LRTM2: variants seen among roughly 807,000 people sequenced by gnomAD.
LRTM2 encodes leucine rich repeat transmembrane protein 2.
Under a neutral mutation model 28.1 loss-of-function variants are expected in LRTM2, and 18 were observed. That is an observed-to-expected ratio of 0.64 (90% CI 0.44 to 0.95). The LOEUF (loss-of-function observed/expected upper bound fraction) is 0.95. Ranked by LOEUF, LRTM2 falls within the 40% of genes least tolerant of loss-of-function variation. The pLI is 0.00. For missense variants in LRTM2, 436 were observed against 497.2 expected, an observed-to-expected ratio of 0.88 and a Z score of 1.17; for synonymous variants, 250 against 218.7, an observed-to-expected ratio of 1.14 and a Z score of -1.26.
rs1864815317 is a variant in LRTM2 at position 1,835,420 on chromosome 12, A to ACAC, written c.*699_*700insCAC. On this transcript the variant is annotated 3_prime_UTR_variant, in exon 5 of 5. Transcript: ENST00000299194. ...TGCGGTCACATGGATTGAAAGAATT[A>ACAC]ATACACACACACACACACACACACT... 6.6e-6 allele frequency: 1 copy of ACAC among 150,394 alleles called. No homozygotes were observed. Among genetic ancestry groups the ACAC allele is most frequent in the African/African-American group, 2.5e-5 (1 of 39,634 alleles). The allele number at this position is 150,394 out of a possible 1,614,324, so 9.3% of individuals were successfully genotyped here. A position where few individuals can be genotyped will look rare whatever the true frequency, so the allele number is the denominator to read the frequency against.
rs75024051 is a variant in LRTM2 at position 1,836,411 on chromosome 12, G to A, written c.*1690G>A. 13,453 of 152,414 alleles carry A rather than the reference G, an allele frequency of 0.088. 811 individuals carry two copies. Among genetic ancestry groups the A allele is most frequent in the Non-Finnish European group, 0.13 (8,918 of 68,100 alleles). The allele number at this position is 152,414 out of a possible 1,614,324, so 9.4% of individuals were successfully genotyped here. A position where few individuals can be genotyped will look rare whatever the true frequency, so the allele number is the denominator to read the frequency against. ...GAGGGAGTTGGCAGGCCTAGCTCCT[G>A]TGCCCCACTCCGACCCTCCCTGCTC... On this transcript the variant is annotated 3_prime_UTR_variant, in exon 5 of 5. Coordinates refer to ENST00000299194, the MANE Select transcript of LRTM2 (RefSeq NM_001039029.3).
intron 3 of LRTM2, among the ~76,000 whole-genome samples, chr12:1,830,505 C>T (rs1434531116): frequency 6.6e-6 from 1 of 152,222 alleles, no homozygotes; most frequent in Non-Finnish European, 1.5e-5. Context: ...TGGGAGAGGG[C>T]ATGGGAGCAG....
In LRTM2 at chr12:1,822,889, G is replaced by A. The variant is rs1046027787; in HGVS notation, c.-259+2075G>A. On this transcript the variant is annotated intron_variant, in intron 1 of 4. Coordinates refer to ENST00000299194, the MANE Select transcript of LRTM2 (RefSeq NM_001039029.3). ...GAATCTCGGGCCGTCTTTGGCCCGG[G>A]GCTCTGGCTGGCCACTCTCCGGGCT... 3.3e-5 allele frequency among the ~76,000 whole-genome samples: 5 copies of A among 152,308 alleles called. No individual in the cohort carries two copies. The South Asian group carries it at 6.2e-4, about 19-fold the overall frequency.
chr12:1,828,100 G>A lies in LRTM2; in HGVS notation c.-49G>A, dbSNP rs1337180266. 6.8e-7 allele frequency: 1 copy of A among 1,468,316 alleles called. No individual in the cohort carries two copies. 91.0% of individuals were successfully genotyped at this position (1,468,316 alleles called of 1,614,324 possible). A position where few individuals can be genotyped will look rare whatever the true frequency, so the allele number is the denominator to read the frequency against. On this transcript the variant is annotated 5_prime_UTR_variant, in exon 3 of 5. Coordinates refer to ENST00000299194, the MANE Select transcript of LRTM2 (RefSeq NM_001039029.3). This position sits in a 1 kb window ranked among gnomAD's most constrained non-coding sequence, Gnocchi z 4.2. ...GGACTGACAGGCGGCGCACCCAGGG[G>A]CTCCTCTCTCCCCAGAGCGACAGGG...
intron 1 of LRTM2, among the ~76,000 whole-genome samples, chr12:1,826,013 G>A (rs1428337631): frequency 6.6e-6 from 1 of 152,204 alleles, no homozygotes; most frequent in Non-Finnish European, 1.5e-5. Flanking sequence ...GGCCTGCGAG[G>A]GCCGTAGGTG....
Position 1,834,119 on chromosome 12 carries a change from C to T in LRTM2, c.659-148C>T. The T allele has an allele frequency of 1.1e-6, 1 of 913,580 alleles. No homozygotes were observed. The highest frequency in any genetic ancestry group is 1.6e-6 in the Non-Finnish European group (1 of 639,672). The allele number at this position is 913,580 out of a possible 1,614,324, so 56.6% of individuals were successfully genotyped here. A position where few individuals can be genotyped will look rare whatever the true frequency, so the allele number is the denominator to read the frequency against. ...CAATGCTGTTTTCCCTCCTCCGCTT[C>T]CTCTTCTATAGATGGTGATTCCAGG... On this transcript the variant is annotated intron_variant, in intron 4 of 4. Transcript: ENST00000299194. The surrounding 1 kb of genome is among the most constrained non-coding windows in gnomAD (Gnocchi z 7.6).
At chr12:1,831,658 GC>G in intron 4 of LRTM2, 133 bp downstream of exon 4, 1 of 722,708 alleles carries the variant, frequency 1.4e-6, no homozygotes, top group Non-Finnish European at 2.2e-6. Context: ...CTGCCTCTGT[GC>G]CAGCTCGGCT....
intron 1 of LRTM2, among the ~76,000 whole-genome samples, chr12:1,824,759 G>C (rs1057436576): frequency 1.3e-5 from 2 of 152,224 alleles, no homozygotes; most frequent in African/African-American, 4.8e-5. Context: ...ACTCTTCTGG[G>C]GGTGGGAAGG....
chr12:1,831,294 C>G lies in LRTM2; in HGVS notation c.427C>G (p.Arg143Gly), dbSNP rs866684672. Residue 143 changes from arginine to glycine, a missense_variant, in exon 4 of 5, where the codon CGC becomes GGC. By Grantham distance (125) the Arg-to-Gly change is moderately radical. Coordinates refer to ENST00000299194, the MANE Select transcript of LRTM2 (RefSeq NM_001039029.3). The part of the protein sequence containing the change: ...RDLLRHSPLL[R>G]HLDLSINGLA... ...CCTGCTGCGGCACTCGCCGCTGCTC[C>G]GCCACCTGGACCTGTCCATCAACGG... The G allele has an allele frequency of 1.2e-6, 2 of 1,613,698 alleles. No individual in the cohort carries two copies. Among genetic ancestry groups the G allele is most frequent in the South Asian group, 2.2e-5 (2 of 91,076 alleles).
In LRTM2 at chr12:1,830,889, G is replaced by T; in HGVS notation, c.68-46G>T. The T allele has an allele frequency of 2.7e-6, 4 of 1,481,582 alleles. No homozygotes were observed. In the South Asian group the frequency reaches 5.2e-5, roughly 19 times the overall value. The allele number at this position is 1,481,582 out of a possible 1,614,324, so 91.8% of individuals were successfully genotyped here. On this transcript the variant is annotated intron_variant, in intron 3 of 4. Coordinates refer to ENST00000299194, the MANE Select transcript of LRTM2 (RefSeq NM_001039029.3). The stretch of plus-strand genomic sequence containing the variant: ...GGAGGGAAGAGAAGCAGGAGGTGGT[G>T]ACCCGTCCTATTGCTTTCTTTCCCC...
chr12:1,827,199 G>A (rs192794311), intron 1 of LRTM2, among the ~76,000 whole-genome samples: 35 of 152,306 alleles, frequency 2.3e-4, no homozygotes, highest in Admixed American at 2.3e-3. Flanking sequence ...CTCTCTGATG[G>A]GCTGGCAGCC....
rs1864727244 is a variant in LRTM2, at chr12:1,833,630, C to G, written c.659-637C>G. 1.3e-5 allele frequency among the ~76,000 whole-genome samples: 2 copies of G among 152,182 alleles called. No homozygotes were observed. The highest frequency in any genetic ancestry group is 4.8e-5 in the African/African-American group (2 of 41,426). ...CACCGATGGGGCCATTGGATTGCTC[C>G]TAAGGAGGAGAAGGAGAACATTCCT... On this transcript the variant is annotated intron_variant, in intron 4 of 4. Coordinates refer to ENST00000299194, the MANE Select transcript of LRTM2 (RefSeq NM_001039029.3). The surrounding 1 kb of genome is among the most constrained non-coding windows in gnomAD (Gnocchi z 4.2).
Position 1,831,314 on chromosome 12 carries a change from C to G in LRTM2, c.447C>G (p.Ile149Met), listed in dbSNP as rs200693756. The part of the protein sequence containing the change: ...SPLLRHLDLS[I>M]NGLAQLPPGL... ...TGCTCCGCCACCTGGACCTGTCCAT[C>G]AACGGCCTGGCCCAGTTGCCCCCTG... The change falls in exon 4 of 5, where the codon ATC becomes ATG. Residue 149 changes from isoleucine (I) to methionine (M), a missense_variant. Physicochemically the swap from Ile to Met is conservative, Grantham distance 10. Transcript: ENST00000299194. The G allele has an allele frequency of 6.2e-5, 100 of 1,613,858 alleles. 1 individual carries two copies. The East Asian group carries it at 2.2e-3, about 36-fold the overall frequency.
intron 1 of LRTM2, among the ~76,000 whole-genome samples, chr12:1,826,506 C>A (rs1565690206): frequency 6.6e-6 from 1 of 152,092 alleles, no homozygotes; most frequent in Non-Finnish European, 1.5e-5. Flanking sequence ...CTCCTCCACC[C>A]CTCATGCCAG....
Position 1,829,337 on chromosome 12 carries a change from A to G in LRTM2, c.67+1122A>G, listed in dbSNP as rs1489729850. On this transcript the variant is annotated intron_variant, in intron 3 of 4. Transcript: ENST00000299194. The surrounding 1 kb of genome is among the most constrained non-coding windows in gnomAD (Gnocchi z 4.2). ...AAGTCTGAAGAATGCTGATTTTCAA[A>G]TGGCTTGGGGTGGTGGTATGGGGCT... Among the ~76,000 whole-genome samples, 1 of 152,072 alleles carries G rather than the reference A, an allele frequency of 6.6e-6. No individual in the cohort carries two copies. Among genetic ancestry groups the G allele is most frequent in the Non-Finnish European group, 1.5e-5 (1 of 68,004 alleles).
Position 1,828,279 on chromosome 12 carries a change from G to A in LRTM2, c.67+64G>A, listed in dbSNP as rs781740384. On this transcript the variant is annotated intron_variant, in intron 3 of 4. Transcript: ENST00000299194. This position sits in a 1 kb window ranked among gnomAD's most constrained non-coding sequence, Gnocchi z 4.2. ...GGTGGGGGTGCCGAGGTGACTGTAG[G>A]TAGCGCCATATGGGACCTTAGCCAC... is the stretch of plus-strand genomic sequence containing the variant. 4.7e-5 allele frequency: 66 copies of A among 1,409,186 alleles called. No homozygotes were observed. Among genetic ancestry groups the A allele is most frequent in the Non-Finnish European group, 5.9e-5 (62 of 1,042,264 alleles). 87.3% of individuals were successfully genotyped at this position (1,409,186 alleles called of 1,614,324 possible).
Position 1,834,204 on chromosome 12 carries a change from T to A in LRTM2, c.659-63T>A. On this transcript the variant is annotated intron_variant, in intron 4 of 4. Transcript: ENST00000299194. The surrounding 1 kb of genome is among the most constrained non-coding windows in gnomAD (Gnocchi z 7.6). ...GGCTTCCGTTTTGGGGAGCTGGGGATGGGGAGAGGGAGTGCAAGTTCTAGA... is the reference window on the plus strand; with the variant it reads ...GGCTTCCGTTTTGGGGAGCTGGGGAAGGGGAGAGGGAGTGCAAGTTCTAGA... 6.7e-7 allele frequency: 1 copy of A among 1,499,266 alleles called. No individual in the cohort carries two copies. The highest frequency in any genetic ancestry group is 8.9e-7 in the Non-Finnish European group (1 of 1,123,846). The allele number at this position is 1,499,266 out of a possible 1,614,324, so 92.9% of individuals were successfully genotyped here.
Position 1,828,598 on chromosome 12 carries a change from C to T in LRTM2, c.67+383C>T, listed in dbSNP as rs975586903. Among the ~76,000 whole-genome samples the T allele has an allele frequency of 2.0e-4, 31 of 152,194 alleles. No homozygotes were observed. The highest frequency in any genetic ancestry group is 3.5e-4 in the Non-Finnish European group (24 of 68,028). The stretch of plus-strand genomic sequence containing the variant: ...GCTTGTCGGCCTGTGTCACAGACTG[C>T]GGCGAGCCCTTTTGCTCCCGTGGGG... On this transcript the variant is annotated intron_variant, in intron 3 of 4. Coordinates refer to ENST00000299194, the MANE Select transcript of LRTM2 (RefSeq NM_001039029.3). This position sits in a 1 kb window ranked among gnomAD's most constrained non-coding sequence, Gnocchi z 4.2.
At chr12:1,825,811 G>A (rs1864291650) in intron 1 of LRTM2, among the ~76,000 whole-genome samples, 1 of 149,634 alleles carries the variant, frequency 6.7e-6, no homozygotes, top group Non-Finnish European at 1.5e-5. Flanking sequence ...TGAGCAGCCT[G>A]CAGCCTGGCT....
Sources: gnomAD v4.1 joint callset for allele counts (sites outside exome capture counted in the v4.1 genomes callset) on GRCh38, gnomAD v4.1.1 for gene constraint, Gnocchi (gnomAD v3.1) non-coding constraint, MANE v1.5 for transcripts, NCBI Gene and HGNC (gene_info 2026-07-23, HGNC 2026-07-21) for gene names.